The following BLM variants were observed in gnomAD, a reference collection of about 807,000 sequenced individuals.
BLM encodes BLM RecQ like helicase, also known as recQ-like DNA helicase BLM.
A neutral mutation model predicts 135.3 loss-of-function variants in BLM; 95 were observed. The ratio of observed to expected loss-of-function variants is 0.70; its 90% CI spans 0.59 to 0.83. The LOEUF is 0.83. Ranked by LOEUF, BLM falls within the 40% of genes least tolerant of loss-of-function variation. The probability of loss-of-function intolerance (pLI) is 0.00; values close to 1 mark genes in which losing one functional copy is unlikely to be tolerated. For missense variants in BLM, 1,518 were observed against 1,663.9 expected (o/e 0.91, Z 1.53); for synonymous variants, 520 against 589.2 (o/e 0.88, Z 1.70).
intron 1 of BLM, among the ~76,000 whole-genome samples, chr15:90,738,564 A>AAAAACAAAACAAAAC (rs71463768): frequency 8.0e-5 from 12 of 149,304 alleles, no homozygotes; most frequent in East Asian, 4.0e-4. Context: ...CCCTGTTTCA[A>AAAAACAAAACAAAAC]AAAACAAAAC....
At chr15:90,765,689 G>C (rs956303553) in intron 9 of BLM, among the ~76,000 whole-genome samples, 9 of 152,070 alleles carry the variant, frequency 5.9e-5, no homozygotes, top group African/African-American at 2.2e-4. Flanking sequence ...TCTTTTTTCA[G>C]TACTGCCAGG....
intron 19 of BLM, among the ~76,000 whole-genome samples, chr15:90,805,620 C>CTACTAAAAA: frequency 6.7e-6 from 1 of 150,366 alleles, no homozygotes; most frequent in South Asian, 2.1e-4. Flanking sequence ...AAACCCGTCT[C>CTACTAAAAA]TACTAAAAAT....
chr15:90,772,355 T>C (rs542758166), intron 12 of BLM, among the ~76,000 whole-genome samples: 59 of 152,166 alleles, frequency 3.9e-4, no homozygotes, highest in South Asian at 1.0e-3. Flanking sequence ...CCTTAAAATA[T>C]GAACTGGAAG....
intron 1 of BLM, among the ~76,000 whole-genome samples, chr15:90,737,820 G>C (rs1895258261): frequency 6.6e-6 from 1 of 151,876 alleles, no homozygotes; most frequent in Admixed American, 6.6e-5. Flanking sequence ...ATAAATATTA[G>C]GGCAGAGATA....
At chr15:90,759,877 G>C (rs1314578856) in intron 5 of BLM, 3 of 354,528 alleles carry the variant, frequency 8.5e-6, no homozygotes, top group Non-Finnish European at 1.1e-5. Context: ...AAAGTGTTGG[G>C]ATTACAGGCG....
At chr15:90,770,329 C>T (rs2097036583) in intron 12 of BLM, among the ~76,000 whole-genome samples, 2 of 152,098 alleles carry the variant, frequency 1.3e-5, no homozygotes, top group African/African-American at 4.8e-5. Context: ...CGCCCGCCAC[C>T]ACGCCAGGCT....
chr15:90,766,256 G>A (rs566889380), intron 9 of BLM, among the ~76,000 whole-genome samples: 3 of 152,054 alleles, frequency 2.0e-5, no homozygotes, highest in African/African-American at 7.2e-5. Flanking sequence ...CCCCTTCATT[G>A]TCATTAATCT....
At chr15:90,746,769 A>G (rs1318152897) in intron 1 of BLM, among the ~76,000 whole-genome samples, 1 of 152,190 alleles carries the variant, frequency 6.6e-6, no homozygotes, top group African/African-American at 2.4e-5. Flanking sequence ...AAGGTGGTTT[A>G]AGCTGTTTGT....
At chr15:90,783,965 CTGTTA>C (rs1441850882) in intron 13 of BLM, among the ~76,000 whole-genome samples, 1 of 152,050 alleles carries the variant, frequency 6.6e-6, no homozygotes, top group African/African-American at 2.4e-5. Flanking sequence ...AGCAAAATCA[CTGTTA>C]TGTTATTATT....
chr15:90,750,005 T>G lies in BLM; in HGVS notation c.737T>G (p.Val246Gly). Residue 246 changes from valine to glycine, a missense_variant, in exon 3 of 22, where the codon GTG becomes GGG. Physicochemically the swap from Val to Gly is moderately radical, Grantham distance 109. Coordinates refer to ENST00000355112, the MANE Select transcript of BLM (RefSeq NM_000057.4). The stretch of plus-strand genomic sequence containing the variant: ...ATCGATGATGGCCCCATTGCTGAAG[T>G]GCATATAAATGAAGATGCTCAGGAA... Reference protein sequence around the residue: ...ICIDDGPIAEVHINEDAQESD... With the variant: ...ICIDDGPIAEGHINEDAQESD... 6.2e-7 allele frequency: 1 copy of G among 1,614,206 alleles called. No individual in the cohort carries two copies. Among genetic ancestry groups the G allele is most frequent in the Non-Finnish European group, 8.5e-7 (1 of 1,180,032 alleles).
At chr15:90,771,548 A>G (rs1896316933) in intron 12 of BLM, among the ~76,000 whole-genome samples, 1 of 152,070 alleles carries the variant, frequency 6.6e-6, no homozygotes, top group Non-Finnish European at 1.5e-5. Context: ...TCTAATAAAT[A>G]ACCTATTTGC....
chr15:90,733,917 A>G (rs897767395), intron 1 of BLM, among the ~76,000 whole-genome samples: 2 of 152,212 alleles, frequency 1.3e-5, no homozygotes, highest in Non-Finnish European at 2.9e-5. Context: ...CACTTCTTTT[A>G]CACAGCATAA....
intron 15 of BLM, among the ~76,000 whole-genome samples, chr15:90,792,468 A>G (rs995144894): frequency 1.3e-5 from 2 of 151,982 alleles, no homozygotes; most frequent in African/African-American, 4.8e-5. Flanking sequence ...CTTACCAAGC[A>G]CTGTGCCCAA....
At chr15:90,809,980 C>A (rs1035216158) in intron 20 of BLM, among the ~76,000 whole-genome samples, 11 of 152,168 alleles carry the variant, frequency 7.2e-5, no homozygotes, top group Admixed American at 6.5e-5. Context: ...CAGTGTTCTT[C>A]CTGCTTCCAG....
chr15:90,753,259 AAG>A (rs1041563576), intron 4 of BLM, among the ~76,000 whole-genome samples: 1 of 152,146 alleles, frequency 6.6e-6, no homozygotes, highest in Admixed American at 6.5e-5. Context: ...AAAAATTAAA[AAG>A]AGAGAGAGAA....
At chr15:90,785,560 C>T (rs28745029) in intron 14 of BLM, among the ~76,000 whole-genome samples, 6 of 143,736 alleles carry the variant, frequency 4.2e-5, no homozygotes, top group Non-Finnish European at 9.1e-5. Context: ...TTTTTTTTTC[C>T]GGAGACAGAG....
At position 90,725,757 on chromosome 15, in the gene BLM, C is replaced by T. The variant is rs142129577; in HGVS notation, c.-5+8317C>T. ...CAATCTCCTGACCTCGTGATCCACC[C>T]GCCTCGGCCTCCCAAAGTGCTGGGA... On this transcript the variant is annotated intron_variant, in intron 1 of 21. Transcript: ENST00000355112. Among the ~76,000 whole-genome samples the T allele has an allele frequency of 5.9e-5, 9 of 151,764 alleles. No homozygotes were observed. In the South Asian group the frequency reaches 1.2e-3, roughly 21 times the overall value.
chr15:90,804,859 G>A (rs897051916), intron 19 of BLM, among the ~76,000 whole-genome samples: 3 of 151,826 alleles, frequency 2.0e-5, no homozygotes, highest in Admixed American at 6.6e-5. Context: ...TTTTTGAGAC[G>A]GAGTTTCACT....
chr15:90,781,175 T>C (rs1390937631), intron 12 of BLM, among the ~76,000 whole-genome samples: 9 of 152,174 alleles, frequency 5.9e-5, no homozygotes, highest in African/African-American at 1.7e-4. Context: ...CACATTTTAT[T>C]TGGGGCCAAG....
Sources: gnomAD v4.1 joint callset for allele counts (sites outside exome capture counted in the v4.1 genomes callset) on GRCh38, gnomAD v4.1.1 for gene constraint, MANE v1.5 for transcripts, NCBI Gene and HGNC (gene_info 2026-07-23, HGNC 2026-07-21) for gene names.